SLC15A2: variants seen among roughly 807,000 people sequenced by gnomAD.
The protein encoded by SLC15A2 is solute carrier family 15 member 2.
A neutral mutation model predicts 95.5 loss-of-function variants in SLC15A2; 77 were observed. The observed-to-expected ratio is 0.81, with a 90% CI of 0.67 to 0.97. SLC15A2 has a LOEUF of 0.97. Ranked by LOEUF, SLC15A2 falls within the 50% of genes least tolerant of loss-of-function variation. The pLI is 0.00. For synonymous variants in SLC15A2, 306 were observed against 306.9 expected (o/e 1.00, Z 0.03); for missense variants, 893 against 874.4 (o/e 1.02, Z -0.27).
intron 19 of SLC15A2, among the ~76,000 whole-genome samples, chr3:121,935,510 G>A (rs1710323709): frequency 6.6e-6 from 1 of 152,122 alleles, no homozygotes; most frequent in South Asian, 2.1e-4. Context: ...TATGTGTCCA[G>A]GAATTTATCC....
chr3:121,901,845 TTGTGTG>T, intron 3 of SLC15A2, among the ~76,000 whole-genome samples: 1 of 149,032 alleles, frequency 6.7e-6, no homozygotes, highest in African/African-American at 2.5e-5. Flanking sequence ...GAGTATGTGT[TTGTGTG>T]TGTGTGTGTG....
intron 4 of SLC15A2, among the ~76,000 whole-genome samples, chr3:121,912,618 AT>A (rs555741000): frequency 5.9e-5 from 9 of 151,568 alleles, no homozygotes; most frequent in African/African-American, 1.5e-4. Context: ...GAATTTGAAC[AT>A]TTTTTTTTAA....
At chr3:121,912,987 C>T in intron 4 of SLC15A2, 34 bp from the exon 5 acceptor site, 1 of 1,494,690 alleles carries the variant, frequency 6.7e-7, no homozygotes, top group South Asian at 1.1e-5. Context: ...CATTTAGTAT[C>T]AACATGGTTG....
chr3:121,925,631 G>A (rs1262116506), intron 13 of SLC15A2, among the ~76,000 whole-genome samples: 14 of 147,108 alleles, frequency 9.5e-5, no homozygotes, highest in Non-Finnish European at 1.9e-4. Flanking sequence ...GCAAATGTTG[G>A]GAAGTTTAGG....
intron 20 of SLC15A2, among the ~76,000 whole-genome samples, chr3:121,940,068 A>T (rs896079882): frequency 2.6e-5 from 4 of 152,086 alleles, no homozygotes; most frequent in African/African-American, 7.2e-5. Context: ...GGCCTCCCAA[A>T]GTGCTAGGAT....
chr3:121,912,645 T>A (rs1181866593), intron 4 of SLC15A2, among the ~76,000 whole-genome samples: 2 of 152,196 alleles, frequency 1.3e-5, no homozygotes, highest in African/African-American at 2.4e-5. Flanking sequence ...GGTAAGAATA[T>A]GTGAGATCAG....
At chr3:121,931,789 G>T in intron 19 of SLC15A2, 54 bp downstream of exon 19, 1 of 1,054,008 alleles carries the variant, frequency 9.5e-7, no homozygotes, top group East Asian at 2.4e-5. Context: ...TATATCTCCT[G>T]AGATCCTCTA....
chr3:121,936,894 G>A (rs1222914355), intron 19 of SLC15A2, among the ~76,000 whole-genome samples: 11 of 147,070 alleles, frequency 7.5e-5, no homozygotes, highest in East Asian at 6.1e-4. Context: ...ATTTTGCAGC[G>A]GCTGGTACCG....
intron 3 of SLC15A2, among the ~76,000 whole-genome samples, chr3:121,910,001 T>C (rs997252293): frequency 2.6e-5 from 4 of 152,030 alleles, no homozygotes. Flanking sequence ...TTTTCCTCTA[T>C]GATGATCTAA....
At chr3:121,922,988 A>T in intron 9 of SLC15A2, 52 bp from the exon 10 acceptor site, 1 of 1,585,650 alleles carries the variant, frequency 6.3e-7, no homozygotes, top group Non-Finnish European at 8.6e-7. Context: ...TAAGCAAGAA[A>T]GCCATGTACA....
At chr3:121,910,003 A>G (rs1308410570) in intron 3 of SLC15A2, among the ~76,000 whole-genome samples, 1 of 151,710 alleles carries the variant, frequency 6.6e-6, no homozygotes, top group Non-Finnish European at 1.5e-5. Flanking sequence ...TTCCTCTATG[A>G]TGATCTAACA....
intron 3 of SLC15A2, among the ~76,000 whole-genome samples, chr3:121,911,277 G>A (rs1431981086): frequency 1.3e-5 from 2 of 152,030 alleles, no homozygotes; most frequent in East Asian, 3.9e-4. Flanking sequence ...GGGTTTCTCT[G>A]TGTGTGTGTG....
chr3:121,912,802 A>G, intron 4 of SLC15A2, among the ~76,000 whole-genome samples: 1 of 152,204 alleles, frequency 6.6e-6, no homozygotes, highest in East Asian at 1.9e-4. Context: ...ATCTTCCCAC[A>G]TAATGCATAC....
At chr3:121,936,973 C>G (rs1214922037) in intron 19 of SLC15A2, among the ~76,000 whole-genome samples, 1 of 151,874 alleles carries the variant, frequency 6.6e-6, no homozygotes, top group Non-Finnish European at 1.5e-5. Flanking sequence ...GTGACAAAAT[C>G]TCTCAGCATT....
At chr3:121,939,842 G>A (rs188010377) in intron 20 of SLC15A2, among the ~76,000 whole-genome samples, 8 of 152,026 alleles carry the variant, frequency 5.3e-5, no homozygotes, top group East Asian at 2.0e-4. Flanking sequence ...GCAGTGGCGC[G>A]ATCTCAGCTC....
chr3:121,939,346 A>T lies in SLC15A2; in HGVS notation c.1762-3A>T. 6.6e-7 allele frequency: 1 copy of T among 1,513,028 alleles called. No homozygotes were observed. The highest frequency in any genetic ancestry group is 8.8e-7 in the Non-Finnish European group (1 of 1,131,896). 93.7% of individuals were successfully genotyped at this position (1,513,028 alleles called of 1,614,324 possible). A position where few individuals can be genotyped will look rare whatever the true frequency, so the allele number is the denominator to read the frequency against. Reference sequence around the variant, plus strand: ...GTCCATTTCCATTTTCTCTTTCCCTAAGAACACCAATCAGGGTCTTCAGGC... The same window carrying T: ...GTCCATTTCCATTTTCTCTTTCCCTTAGAACACCAATCAGGGTCTTCAGGC... On this transcript the variant is annotated splice_polypyrimidine_tract_variant and splice_region_variant and intron_variant, in intron 19 of 21. Coordinates refer to ENST00000489711, the MANE Select transcript of SLC15A2 (RefSeq NM_021082.4).
intron 7 of SLC15A2, among the ~76,000 whole-genome samples, chr3:121,917,338 T>C (rs1248663010): frequency 6.6e-6 from 1 of 152,152 alleles, no homozygotes; most frequent in Non-Finnish European, 1.5e-5. Context: ...ATCAATATAG[T>C]GTGATCTAGG....
intron 1 of SLC15A2, chr3:121,895,506 T>G (rs936947019): frequency 2.6e-5 from 4 of 152,202 alleles, no homozygotes; most frequent in Non-Finnish European, 5.9e-5. Context: ...TTTTGCCTAT[T>G]TTTTTAGTTA....
intron 3 of SLC15A2, 61 bp downstream of exon 3, chr3:121,897,590 T>C: frequency 6.4e-7 from 1 of 1,559,714 alleles, no homozygotes; most frequent in Admixed American, 1.8e-5. Context: ...AGGCTATCAC[T>C]TCTAGCCTCT....
Sources: allele counts gnomAD v4.1 joint callset (sites outside exome capture counted in the v4.1 genomes callset), GRCh38; gene constraint gnomAD v4.1.1; transcripts MANE v1.5; gene names NCBI Gene and HGNC (gene_info 2026-07-23, HGNC 2026-07-21).